ATG5: variants seen among roughly 807,000 people sequenced by gnomAD.
ATG5 encodes the protein autophagy related 5, also known as autophagy protein 5.
ATG5 carries 14 observed loss-of-function variants against 36.5 expected under a neutral mutation model. That is an observed-to-expected ratio of 0.38 (90% CI 0.25 to 0.60). The LOEUF (loss-of-function observed/expected upper bound fraction) is 0.60, where lower values mean the gene tolerates loss of function less well. Ranked by LOEUF, ATG5 falls within the 20% of genes least tolerant of loss-of-function variation. The probability of loss-of-function intolerance (pLI) is 0.60; values close to 1 mark genes in which losing one functional copy is unlikely to be tolerated. For missense variants in ATG5, 195 were observed against 326.7 expected, an observed-to-expected ratio of 0.60 and a Z score of 3.11; for synonymous variants, 95 against 101.5, an observed-to-expected ratio of 0.94 and a Z score of 0.38.
chr6:106,215,680 C>T (rs1038451990), intron 6 of ATG5, among the ~76,000 whole-genome samples: 1 of 151,574 alleles, frequency 6.6e-6, no homozygotes, highest in Non-Finnish European at 1.5e-5. Context: ...AAGAGGAAAC[C>T]TTCGTGACCT....
chr6:106,235,325 A>C (rs893595769), intron 6 of ATG5, among the ~76,000 whole-genome samples: 2 of 152,178 alleles, frequency 1.3e-5, no homozygotes, highest in African/African-American at 4.8e-5. Flanking sequence ...GGACCGGCCT[A>C]CTAGCCCATG....
At chr6:106,301,855 G>A (rs1770221582) in intron 3 of ATG5, among the ~76,000 whole-genome samples, 2 of 151,904 alleles carry the variant, frequency 1.3e-5, no homozygotes, top group South Asian at 4.2e-4. Context: ...ACAAAGTTAC[G>A]AAGTACAAGG....
chr6:106,246,430 A>G (rs374780578), intron 6 of ATG5, among the ~76,000 whole-genome samples: 2 of 130,560 alleles, frequency 1.5e-5, no homozygotes, highest in Non-Finnish European at 3.4e-5. Context: ...ACACACACAC[A>G]CCCTTTCTCT....
intron 3 of ATG5, among the ~76,000 whole-genome samples, chr6:106,298,689 T>C (rs1191433663): frequency 1.3e-5 from 2 of 152,252 alleles, no homozygotes; most frequent in Non-Finnish European, 2.9e-5. Context: ...CTTATTTCTA[T>C]TGTCAAATTC....
intron 3 of ATG5, among the ~76,000 whole-genome samples, chr6:106,300,214 T>A (rs1249231524): frequency 1.3e-5 from 2 of 152,182 alleles, no homozygotes; most frequent in African/African-American, 4.8e-5. Context: ...GGGAGTTATG[T>A]AAACTGTTCA....
At chr6:106,190,909 A>G (rs1221893420) in intron 7 of ATG5, among the ~76,000 whole-genome samples, 1 of 152,214 alleles carries the variant, frequency 6.6e-6, no homozygotes, top group Non-Finnish European at 1.5e-5. Flanking sequence ...TAAATGAGAC[A>G]TAAAGGAGAG....
intron 5 of ATG5, among the ~76,000 whole-genome samples, chr6:106,250,953 T>C (rs1778549847): frequency 6.6e-6 from 1 of 152,224 alleles, no homozygotes; most frequent in Admixed American, 6.5e-5. Flanking sequence ...CTAAAAGAAG[T>C]TGTAGGAGAA....
Position 106,248,333 on chromosome 6 carries a change from T to A in ATG5, c.479-89A>T. On this transcript the variant is annotated intron_variant, in intron 5 of 7. Transcript: ENST00000369076. ...AAGAGATGAAAGTTTTAAATATCCCTCTAGAAGTTTCTGAAAGGACATCAC... is the reference window on the plus strand; with the variant it reads ...AAGAGATGAAAGTTTTAAATATCCCACTAGAAGTTTCTGAAAGGACATCAC... The A allele has an allele frequency of 6.1e-6, 5 of 822,690 alleles. No homozygotes were observed. In the South Asian group the frequency reaches 9.8e-5, roughly 16 times the overall value. 51.0% of individuals were successfully genotyped at this position (822,690 alleles called of 1,614,324 possible).
intron 4 of ATG5, among the ~76,000 whole-genome samples, chr6:106,285,997 G>A (rs1414830021): frequency 3.3e-5 from 5 of 151,212 alleles, no homozygotes; most frequent in African/African-American, 1.2e-4. Flanking sequence ...CTTTGAATGA[G>A]CTGGAATCCA....
Position 106,186,415 on chromosome 6 carries a change from C to T in ATG5, c.*125G>A. The T allele has an allele frequency of 1.7e-6, 2 of 1,160,072 alleles. No individual in the cohort carries two copies. Among genetic ancestry groups the T allele is most frequent in the Admixed American group, 2.2e-5 (1 of 45,854 alleles). The allele number at this position is 1,160,072 out of a possible 1,614,324, so 71.9% of individuals were successfully genotyped here. ...ATCTGACATGGAATCTTTTTCCTGTCTGGCTTGCAGCAGCGAAGTGTTTCT... is the reference window on the plus strand; with the variant it reads ...ATCTGACATGGAATCTTTTTCCTGTTTGGCTTGCAGCAGCGAAGTGTTTCT... On this transcript the variant is annotated 3_prime_UTR_variant, in exon 8 of 8. Transcript: ENST00000369076.
intron 6 of ATG5, among the ~76,000 whole-genome samples, chr6:106,205,167 C>T (rs1312725321): frequency 6.6e-6 from 1 of 152,062 alleles, no homozygotes; most frequent in Non-Finnish European, 1.5e-5. Context: ...GAACCAAAAC[C>T]AGAATGACTG....
In ATG5 at chr6:106,240,444, G is replaced by A. The variant is rs763826710; in HGVS notation, c.573+7706C>T. Among the ~76,000 whole-genome samples the A allele has an allele frequency of 2.4e-4, 36 of 150,948 alleles. 1 individual carries two copies. The highest frequency in any genetic ancestry group is 4.3e-4 in the Non-Finnish European group (29 of 67,734). On this transcript the variant is annotated intron_variant, in intron 6 of 7. Coordinates refer to ENST00000369076, the MANE Select transcript of ATG5 (RefSeq NM_004849.4). ...AAAACAAAATACAGTGCAATTTACA[G>A]AAAACCAAGTCCAAATGGTCAACAA...
At chr6:106,199,346 C>A (rs1256880454) in intron 7 of ATG5, among the ~76,000 whole-genome samples, 1 of 152,108 alleles carries the variant, frequency 6.6e-6, no homozygotes. Context: ...ACAGGGAGAA[C>A]CAAAATGTGA....
At chr6:106,307,291 T>A (rs749223333) in intron 3 of ATG5, among the ~76,000 whole-genome samples, 3 of 152,236 alleles carry the variant, frequency 2.0e-5, no homozygotes, top group Non-Finnish European at 4.4e-5. Context: ...GTATTTTTCA[T>A]GTTTCATTTA....
At chr6:106,198,946 T>G (rs1776312176) in intron 7 of ATG5, among the ~76,000 whole-genome samples, 1 of 151,808 alleles carries the variant, frequency 6.6e-6, no homozygotes, top group Non-Finnish European at 1.5e-5. Context: ...AAAACAAGGA[T>G]TTGAATAGAC....
intron 7 of ATG5, among the ~76,000 whole-genome samples, chr6:106,195,601 A>G (rs1437028525): frequency 1.3e-5 from 2 of 152,190 alleles, no homozygotes; most frequent in Non-Finnish European, 2.9e-5. Flanking sequence ...TCCTGGTATG[A>G]AAGATACCAT....
At chr6:106,308,669 T>C (rs1351744122) in intron 2 of ATG5, among the ~76,000 whole-genome samples, 178 bp from the exon 3 acceptor site, 1 of 152,202 alleles carries the variant, frequency 6.6e-6, no homozygotes, top group Non-Finnish European at 1.5e-5. Flanking sequence ...GATGTTTTAA[T>C]ATTTCTTATG....
At chr6:106,268,522 C>T (rs1193481799) in intron 5 of ATG5, among the ~76,000 whole-genome samples, 1 of 152,184 alleles carries the variant, frequency 6.6e-6, no homozygotes, top group Non-Finnish European at 1.5e-5. Flanking sequence ...AATCCCATTA[C>T]TGAGTATATT....
In ATG5 at chr6:106,238,237, C is replaced by A. The variant is rs577782815; in HGVS notation, c.573+9913G>T. On this transcript the variant is annotated intron_variant, in intron 6 of 7. Coordinates refer to ENST00000369076, the MANE Select transcript of ATG5 (RefSeq NM_004849.4). ...CCAGGCTGGAGTACAGTGGCATGAT[C>A]TTGGCTCACCACAATCTCCACCTCC... 2.6e-5 allele frequency among the ~76,000 whole-genome samples: 4 copies of A among 152,274 alleles called. No individual in the cohort carries two copies. In the South Asian group the frequency reaches 8.3e-4, roughly 32 times the overall value.
Sources: allele counts gnomAD v4.1 joint callset (sites outside exome capture counted in the v4.1 genomes callset), GRCh38; gene constraint gnomAD v4.1.1; transcripts MANE v1.5; gene names NCBI Gene and HGNC (gene_info 2026-07-23, HGNC 2026-07-21).